The following RAB44 variants were observed in gnomAD, a reference collection of about 807,000 sequenced individuals.
The protein encoded by RAB44 is RAB44, member RAS oncogene family.
RAB44 carries 67 observed loss-of-function variants against 93.3 expected under a neutral mutation model. The observed-to-expected ratio is 0.72, with a 90% CI of 0.59 to 0.88. The LOEUF (loss-of-function observed/expected upper bound fraction) is 0.88, where lower values mean the gene tolerates loss of function less well. RAB44 is among the 40% of genes least tolerant of loss of function. RAB44 has a pLI of 0.00. For synonymous variants in RAB44, 427 were observed against 520.3 expected (o/e 0.82, Z 2.44); for missense variants, 1,064 against 1,261.7 (o/e 0.84, Z 2.37).
rs1158521106 is a variant in RAB44, at chr6:36,717,064, G to A, written c.495-209G>A. Among the ~76,000 whole-genome samples, 2 of 152,182 alleles carry A rather than the reference G, an allele frequency of 1.3e-5. No individual in the cohort carries two copies. Among genetic ancestry groups the A allele is most frequent in the East Asian group, 1.9e-4 (1 of 5,194 alleles). On this transcript the variant is annotated intron_variant, in intron 4 of 13. Coordinates refer to ENST00000612677, the MANE Select transcript of RAB44 (RefSeq NM_001257357.2). The surrounding 1 kb of genome is among the most constrained non-coding windows in gnomAD (Gnocchi z 4.1). Reference sequence around the variant, plus strand: ...GAATCATAGAGAGACACAGTGTGGCGGGGGTTCGAGAAGGGAGAGGGCACA... The same window carrying A: ...GAATCATAGAGAGACACAGTGTGGCAGGGGTTCGAGAAGGGAGAGGGCACA...
rs571670461 is a variant in RAB44 at position 36,721,225 on chromosome 6, T to A, written c.1091T>A (p.Phe364Tyr). ...SPEEAPLPGLFGDNDDWDQLL... is the reference protein window; with the variant it reads ...SPEEAPLPGLYGDNDDWDQLL... ...GAGGAGGCCCCCCTGCCTGGGCTAT[T>A]TGGGGACAACGATGACTGGGACCAG... The change falls in exon 9 of 14, where the codon TTT becomes TAT. Residue 364 changes from phenylalanine to tyrosine, a missense_variant. By Grantham distance (22) the Phe-to-Tyr change is conservative. Transcript: ENST00000612677. 4 of 1,217,970 alleles carry A rather than the reference T, an allele frequency of 3.3e-6. No individual in the cohort carries two copies. The allele number at this position is 1,217,970 out of a possible 1,614,324, so 75.4% of individuals were successfully genotyped here.
At chr6:36,708,482 G>T (rs768271722) in intron 2 of RAB44, among the ~76,000 whole-genome samples, 3 of 151,838 alleles carry the variant, frequency 2.0e-5, no homozygotes, top group Non-Finnish European at 4.4e-5. Flanking sequence ...TCTGATCTTG[G>T]GAAGGCAAAA....
intron 4 of RAB44, 149 bp downstream of exon 4, chr6:36,715,802 C>CA: frequency 1.3e-6 from 1 of 762,204 alleles, no homozygotes; most frequent in Non-Finnish European, 2.1e-6. Context: ...TGTGTGACCA[C>CA]AGGGATGGCT....
rs3046045 is a variant in RAB44, at chr6:36,732,427, G to GGC, written c.*335_*336insCG. ...AAATTTTAGGGAGAATGTGGGGGGG[G>GGC]GGTGTTACTTTCCATTTTACACATA... On this transcript the variant is annotated 3_prime_UTR_variant, in exon 14 of 14. Transcript: ENST00000612677. The GGC allele has an allele frequency of 1.1e-5, 2 of 184,734 alleles. No individual in the cohort carries two copies. Among genetic ancestry groups the GGC allele is most frequent in the African/African-American group, 4.8e-5 (2 of 41,384 alleles). 11.4% of individuals were successfully genotyped at this position (184,734 alleles called of 1,614,324 possible). A position where few individuals can be genotyped will look rare whatever the true frequency, so the allele number is the denominator to read the frequency against.
Position 36,725,941 on chromosome 6 carries a change from GAGGTAAC to G in RAB44, c.2681+2_2681+8del, listed in dbSNP as rs1763228521. 6.5e-7 allele frequency: 1 copy of G among 1,550,342 alleles called. No homozygotes were observed. Among genetic ancestry groups the G allele is most frequent in the Non-Finnish European group, 8.7e-7 (1 of 1,146,630 alleles). On this transcript the variant is annotated splice_donor_variant and splice_donor_5th_base_variant and coding_sequence_variant and intron_variant, in exon 10 of 14. Coordinates refer to ENST00000612677, the MANE Select transcript of RAB44 (RefSeq NM_001257357.2). LOFTEE classifies it high-confidence loss of function. ...AGCTCTGGGACACAGCTGGCCAAGA[GAGGTAAC>G]AGGCACTGTATATCAGTGTGTCAGG...
chr6:36,698,670 C>G (rs1762441430), intron 1 of RAB44, among the ~76,000 whole-genome samples: 1 of 152,042 alleles, frequency 6.6e-6, no homozygotes, highest in Admixed American at 6.5e-5. Context: ...CATGAGGATG[C>G]ACTAAGGGGA....
rs79255324 is a variant in RAB44, at chr6:36,716,824, C to T, written c.495-449C>T. On this transcript the variant is annotated intron_variant, in intron 4 of 13. Transcript: ENST00000612677. ...AAAGCAGCCTTTATTGGGCACCAAC[C>T]GTGTGGCAGGCCCTGAGCTGGTGCT... 4.9e-4 allele frequency among the ~76,000 whole-genome samples: 74 copies of T among 152,328 alleles called. 1 individual carries two copies. In the East Asian group the frequency reaches 0.011, roughly 23 times the overall value.
At chr6:36,707,125 G>T (rs573026418) in intron 2 of RAB44, among the ~76,000 whole-genome samples, 23 of 152,214 alleles carry the variant, frequency 1.5e-4, no homozygotes, top group Middle Eastern at 6.8e-3. Context: ...TTCCTGACTA[G>T]CCTGACCAAC....
chr6:36,720,096 T>G (rs1247162750), intron 7 of RAB44, among the ~76,000 whole-genome samples: 2 of 152,128 alleles, frequency 1.3e-5, no homozygotes, highest in Non-Finnish European at 2.9e-5. Flanking sequence ...GGCTTGGGTG[T>G]GGGGCCTTTG....
chr6:36,707,635 G>A (rs1356531867), intron 2 of RAB44, among the ~76,000 whole-genome samples: 1 of 152,202 alleles, frequency 6.6e-6, no homozygotes, highest in Non-Finnish European at 1.5e-5. Context: ...AGGACATCCA[G>A]TGTCAGCTTG....
intron 2 of RAB44, among the ~76,000 whole-genome samples, chr6:36,712,196 A>C (rs1441319829): frequency 6.7e-6 from 1 of 148,610 alleles, no homozygotes; most frequent in Non-Finnish European, 1.5e-5. Context: ...CCAGCTACTC[A>C]AGAGGCTGAG....
At chr6:36,702,512 C>A (rs939070717) in intron 1 of RAB44, among the ~76,000 whole-genome samples, 1 of 152,236 alleles carries the variant, frequency 6.6e-6, no homozygotes, top group Non-Finnish European at 1.5e-5. Flanking sequence ...CTCCACCCAG[C>A]CTGTCTGTGG....
Position 36,732,423 on chromosome 6 carries a change from G to T in RAB44, c.*330G>T, listed in dbSNP as rs1268581899. Reference sequence around the variant, plus strand: ...TGTAAAATTTTAGGGAGAATGTGGGGGGGGGGTGTTACTTTCCATTTTACA... The same window carrying T: ...TGTAAAATTTTAGGGAGAATGTGGGTGGGGGGTGTTACTTTCCATTTTACA... On this transcript the variant is annotated 3_prime_UTR_variant, in exon 14 of 14. Coordinates refer to ENST00000612677, the MANE Select transcript of RAB44 (RefSeq NM_001257357.2). The T allele has an allele frequency of 1.9e-5, 3 of 154,918 alleles. No individual in the cohort carries two copies. The highest frequency in any genetic ancestry group is 4.0e-5 in the Non-Finnish European group (3 of 74,324). The allele number at this position is 154,918 out of a possible 1,614,324, so 9.6% of individuals were successfully genotyped here. A position where few individuals can be genotyped will look rare whatever the true frequency, so the allele number is the denominator to read the frequency against.
rs1763375887 is a variant in RAB44, at chr6:36,732,073, A to G, written c.3046A>G (p.Arg1016Gly). Reference sequence around the variant, plus strand: ...GGTGGCCCCCAAGAGGCCGCCCAAGAGATTCGGCTGTTGCTCCTGATCACC... The same window carrying G: ...GGTGGCCCCCAAGAGGCCGCCCAAGGGATTCGGCTGTTGCTCCTGATCACC... Reference protein sequence around the residue: ...VKVAPKRPPKRFGCCS With the variant: ...VKVAPKRPPKGFGCCS Residue 1016 changes from arginine to glycine, a missense_variant, in exon 14 of 14, where the codon AGA becomes GGA. Physicochemically the swap from Arg to Gly is moderately radical, Grantham distance 125. Coordinates refer to ENST00000612677, the MANE Select transcript of RAB44 (RefSeq NM_001257357.2). 8.1e-7 allele frequency: 1 copy of G among 1,234,288 alleles called. No homozygotes were observed. Among genetic ancestry groups the G allele is most frequent in the Admixed American group, 4.2e-5 (1 of 23,708 alleles). 76.5% of individuals were successfully genotyped at this position (1,234,288 alleles called of 1,614,324 possible). A position where few individuals can be genotyped will look rare whatever the true frequency, so the allele number is the denominator to read the frequency against.
chr6:36,712,092 C>T (rs546368979), intron 2 of RAB44, among the ~76,000 whole-genome samples: 174 of 152,236 alleles, frequency 1.1e-3, no homozygotes, highest in Non-Finnish European at 2.0e-3. Context: ...CACCTGAGGT[C>T]AGGGGTTCGA....
chr6:36,706,141 C>G (rs1272584322), intron 2 of RAB44, among the ~76,000 whole-genome samples: 1 of 152,134 alleles, frequency 6.6e-6, no homozygotes, highest in East Asian at 1.9e-4. Flanking sequence ...CTCAAGCAAT[C>G]CCCCCACCTC....
Position 36,732,333 on chromosome 6 carries a change from A to C in RAB44, c.*240A>C. The stretch of plus-strand genomic sequence containing the variant: ...GCAGGGGTATGGCAAAACTCTCCAA[A>C]CAAAGAAAGTCTAGAAAAACGACTT... On this transcript the variant is annotated 3_prime_UTR_variant, in exon 14 of 14. Coordinates refer to ENST00000612677, the MANE Select transcript of RAB44 (RefSeq NM_001257357.2). 1 of 308,410 alleles carries C rather than the reference A, an allele frequency of 3.2e-6. No individual in the cohort carries two copies. The highest frequency in any genetic ancestry group is 5.9e-6 in the Non-Finnish European group (1 of 169,812). 19.1% of individuals were successfully genotyped at this position (308,410 alleles called of 1,614,324 possible).
chr6:36,722,357 T>C lies in RAB44; in HGVS notation c.2223T>C (p.Pro741=). 1 of 1,344,598 alleles carries C rather than the reference T, an allele frequency of 7.4e-7. No individual in the cohort carries two copies. The highest frequency in any genetic ancestry group is 9.5e-7 in the Non-Finnish European group (1 of 1,049,640). 83.3% of individuals were successfully genotyped at this position (1,344,598 alleles called of 1,614,324 possible). The part of the protein sequence containing the change: ...AEGPTPGKSA[P]PRGSPPRGAQ... ...GCCCCACTCCTGGAAAATCGGCACC[T>C]CCAAGGGGCTCTCCTCCCAGGGGGG... The change falls in exon 9 of 14, where the codon CCT becomes CCC. Residue 741 remains proline, a synonymous_variant. Transcript: ENST00000612677.
In RAB44 at chr6:36,717,572, C is replaced by T. The variant is rs1023041484; in HGVS notation, c.641+153C>T. ...TGGAGGAAGAGGTGGCTCAGGGGAC[C>T]GGGTGGGGAGGACAGAGTTGGTAAT... On this transcript the variant is annotated intron_variant, in intron 5 of 13. Coordinates refer to ENST00000612677, the MANE Select transcript of RAB44 (RefSeq NM_001257357.2). The surrounding 1 kb of genome is among the most constrained non-coding windows in gnomAD (Gnocchi z 4.1). Among the ~76,000 whole-genome samples, 7 of 152,032 alleles carry T rather than the reference C, an allele frequency of 4.6e-5. No homozygotes were observed. Among genetic ancestry groups the T allele is most frequent in the African/African-American group, 9.7e-5 (4 of 41,394 alleles).
Sources: gnomAD v4.1 joint callset for allele counts (sites outside exome capture counted in the v4.1 genomes callset) on GRCh38, gnomAD v4.1.1 for gene constraint, Gnocchi (gnomAD v3.1) non-coding constraint, MANE v1.5 for transcripts, NCBI Gene and HGNC (gene_info 2026-07-23, HGNC 2026-07-21) for gene names.